Variants in SCARF2 observed in about 807,000 individuals in gnomAD.
The protein encoded by SCARF2 is scavenger receptor class F member 2, also known as scavenger receptor expressed by endothelial cells 2 protein.
In SCARF2, 39 loss-of-function variants were observed where a neutral mutation model predicts 73.4. The ratio of observed to expected loss-of-function variants is 0.53; its 90% confidence interval spans 0.41 to 0.69. The LOEUF (loss-of-function observed/expected upper bound fraction) is 0.69, where lower values mean the gene tolerates loss of function less well. SCARF2 is among the 30% of genes least tolerant of loss of function. The pLI is 0.00. For synonymous variants in SCARF2, 605 were observed against 590.0 expected (o/e 1.03, Z -0.37); for missense variants, 1,148 against 1,303.5 (o/e 0.88, Z 1.84).
chr22:20,427,528 G>A lies in SCARF2; in HGVS notation c.1563C>T (p.Asn521=), dbSNP rs768570979. The stretch of plus-strand genomic sequence containing the variant: ...GCTCCAGGAAGCTGCAGTTGAGTGT[G>A]TTATCCAGGTCGTGGTGGGCCACTG... ...KVVVAHHDLD[N]TLNCSFLEPP... is the part of the protein sequence containing the mutation. The change falls in exon 10 of 11, where the codon AAC becomes AAT. Residue 521 remains asparagine (N), a synonymous_variant. Coordinates refer to ENST00000622235, the MANE Select transcript of SCARF2 (RefSeq NM_182895.5). 17 of 1,613,538 alleles carry A rather than the reference G, an allele frequency of 1.1e-5. No individual in the cohort carries two copies. Among genetic ancestry groups the A allele is most frequent in the Admixed American group, 6.7e-5 (4 of 60,012 alleles).
Position 20,430,744 on chromosome 22 carries a change from C to G in SCARF2, c.1019G>C (p.Cys340Ser). ...RCPPCRDGHA[C>S]NHVTGKCTRC... ...CGTACACTTGCCGGTGACATGGTTA[C>G]AGGCATGCCCGTCGCGGCATGGCGG... Residue 340 changes from cysteine to serine, a missense_variant, in exon 5 of 11, where the codon TGT (cysteine) becomes TCT (serine). By Grantham distance (112) the Cys-to-Ser change is moderately radical. Transcript: ENST00000622235. The G allele has an allele frequency of 6.2e-7, 1 of 1,607,832 alleles. No individual in the cohort carries two copies. Among genetic ancestry groups the G allele is most frequent in the Non-Finnish European group, 8.5e-7 (1 of 1,177,742 alleles).
At chr22:20,430,385 G>A (rs1441384570) in intron 6 of SCARF2, 44 bp downstream of exon 6, 4 of 1,562,032 alleles carry the variant, frequency 2.6e-6, no homozygotes, top group Non-Finnish European at 3.5e-6. Context: ...CCCCTCTGTG[G>A]CAGGTACAAG....
chr22:20,425,994 G>C lies in SCARF2; in HGVS notation c.1982C>G (p.Thr661Ser). The C allele has an allele frequency of 1.3e-6, 2 of 1,586,436 alleles. No individual in the cohort carries two copies. The change falls in exon 11 of 11, where the codon ACC becomes AGC. Residue 661 changes from threonine to serine, a missense_variant. Thr to Ser is a moderately conservative substitution (Grantham distance 58). Around this residue, in one of 5 missense-constraint regions of SCARF2, gnomAD observed 437 missense variants for 433.6 expected, o/e 1.01. Transcript: ENST00000622235. This position sits in a 1 kb window ranked among gnomAD's most constrained non-coding sequence, Gnocchi z 4.6. ...GTGGATCCAGGACACCTTAGGCTTG[G>C]TGGCGGGGTCAGGTGGCGGCGGTTT... ...RRKPPPPDPA[T>S]KPKVSWIHGK...
rs752523166 is a variant in SCARF2, at chr22:20,426,006, G to C, written c.1970C>G (p.Pro657Arg). 47 of 1,583,066 alleles carry C rather than the reference G, an allele frequency of 3.0e-5. No homozygotes were observed. In the South Asian group the frequency reaches 5.0e-4, roughly 17 times the overall value. ...PSPERRKPPP[P>R]DPATKPKVSW... ...CACCTTAGGCTTGGTGGCGGGGTCA[G>C]GTGGCGGCGGTTTCCTGCGCTCGGG... The change falls in exon 11 of 11, where the codon CCT (proline) becomes CGT (arginine). Residue 657 changes from proline to arginine, a missense_variant. Transcript: ENST00000622235.
intron 9 of SCARF2, among the ~76,000 whole-genome samples, chr22:20,428,867 G>A (rs2052609590): frequency 6.6e-6 from 1 of 152,088 alleles, no homozygotes; most frequent in South Asian, 2.1e-4. Flanking sequence ...CACTCCCGTG[G>A]CCACGCATTC....
Position 20,425,329 on chromosome 22 carries a change from G to T in SCARF2, c.*46C>A. The T allele has an allele frequency of 7.6e-7, 1 of 1,323,894 alleles. No individual in the cohort carries two copies. The highest frequency in any genetic ancestry group is 9.7e-7 in the Non-Finnish European group (1 of 1,029,308). 82.0% of individuals were successfully genotyped at this position (1,323,894 alleles called of 1,614,324 possible). A position where few individuals can be genotyped will look rare whatever the true frequency, so the allele number is the denominator to read the frequency against. On this transcript the variant is annotated 3_prime_UTR_variant, in exon 11 of 11. Transcript: ENST00000622235. This position sits in a 1 kb window ranked among gnomAD's most constrained non-coding sequence, Gnocchi z 4.6. ...GCGTGGGAGGTGTGGGGTGGCGGGC[G>T]GCGCTGCGAAGCTGAGGGAGCTGCG...
At position 20,425,498 on chromosome 22, in the gene SCARF2, C is replaced by T. The variant is rs2052562424; in HGVS notation, c.2478G>A (p.Lys826=). 3 of 1,362,046 alleles carry T rather than the reference C, an allele frequency of 2.2e-6. No individual in the cohort carries two copies. The highest frequency in any genetic ancestry group is 2.8e-6 in the Non-Finnish European group (3 of 1,058,002). 84.4% of individuals were successfully genotyped at this position (1,362,046 alleles called of 1,614,324 possible). A position where few individuals can be genotyped will look rare whatever the true frequency, so the allele number is the denominator to read the frequency against. ...PPATETPGPE[K]AATDLPAPET... is the part of the protein sequence containing the mutation. ...CAGGCGCGGGCAAGTCGGTCGCCGC[C>T]TTCTCAGGCCCCGGGGTTTCGGTCG... is the stretch of plus-strand genomic sequence containing the variant. Residue 826 remains lysine (K), a synonymous_variant, in exon 11 of 11, where the codon AAG becomes AAA. Coordinates refer to ENST00000622235, the MANE Select transcript of SCARF2 (RefSeq NM_182895.5). This position sits in a 1 kb window ranked among gnomAD's most constrained non-coding sequence, Gnocchi z 4.6.
chr22:20,430,377 C>G, intron 6 of SCARF2, 52 bp downstream of exon 6: 1 of 1,554,982 alleles, frequency 6.4e-7, no homozygotes, highest in Middle Eastern at 2.3e-4. Flanking sequence ...GCTGGACCCC[C>G]CTCTGTGGCA....
chr22:20,425,557 C>G lies in SCARF2; in HGVS notation c.2419G>C (p.Val807Leu), dbSNP rs769419311. ...PAPPQKAKRSVPPASPARAPP... is the reference protein window; with the variant it reads ...PAPPQKAKRSLPPASPARAPP... ...GCGCGGGCGGGCGAGGCTGGCGGCA[C>G]GGAGCGCTTGGCTTTCTGTGGGGGC... Residue 807 changes from valine to leucine, a missense_variant, in exon 11 of 11, where the codon GTG becomes CTG. Coordinates refer to ENST00000622235, the MANE Select transcript of SCARF2 (RefSeq NM_182895.5). This position sits in a 1 kb window ranked among gnomAD's most constrained non-coding sequence, Gnocchi z 4.6. The G allele has an allele frequency of 1.5e-6, 2 of 1,339,434 alleles. No homozygotes were observed. The highest frequency in any genetic ancestry group is 9.5e-7 in the Non-Finnish European group (1 of 1,049,076). 83.0% of individuals were successfully genotyped at this position (1,339,434 alleles called of 1,614,324 possible). A position where few individuals can be genotyped will look rare whatever the true frequency, so the allele number is the denominator to read the frequency against.
At chr22:20,430,583 G>A in intron 5 of SCARF2, 26 bp from the exon 6 acceptor site, 3 of 1,611,960 alleles carry the variant, frequency 1.9e-6, no homozygotes, top group Non-Finnish European at 2.5e-6. Context: ...GGAGGCGTCA[G>A]CAGAAATGGA....
Position 20,425,424 on chromosome 22 carries a change from CTCT to C in SCARF2, c.2549_2551del (p.Lys850del), listed in dbSNP as rs2052560884. 8.4e-6 allele frequency: 12 copies of C among 1,432,654 alleles called. No individual in the cohort carries two copies. The highest frequency in any genetic ancestry group is 1.8e-6 in the Non-Finnish European group (2 of 1,091,224). 88.7% of individuals were successfully genotyped at this position (1,432,654 alleles called of 1,614,324 possible). ...GCCCAGCTCGCCCGCCGCCTCCCGG[CTCT>C]TCTTGCGCGGCGGCTTCTGGATGGG... On this transcript the variant is annotated inframe_deletion, in exon 11 of 11. Transcript: ENST00000622235. The surrounding 1 kb of genome is among the most constrained non-coding windows in gnomAD (Gnocchi z 4.6).
At chr22:20,435,270 C>G (rs771723515) in intron 1 of SCARF2, among the ~76,000 whole-genome samples, 10 of 152,190 alleles carry the variant, frequency 6.6e-5, no homozygotes, top group Non-Finnish European at 1.3e-4. Context: ...AGACGCTGAG[C>G]TCTAGCTTCT....
intron 2 of SCARF2, 31 bp from the exon 3 acceptor site, chr22:20,431,877 C>T (rs1447854397): frequency 5.6e-6 from 9 of 1,596,292 alleles, no homozygotes; most frequent in Middle Eastern, 1.7e-4. Flanking sequence ...AGCTGCTGCG[C>T]GTCCTAGCCC....
chr22:20,436,307 C>T (rs1233629520), intron 1 of SCARF2, among the ~76,000 whole-genome samples: 1 of 152,198 alleles, frequency 6.6e-6, no homozygotes, highest in African/African-American at 2.4e-5. Context: ...TTCCTGGTCC[C>T]GGGCCTGTCT....
At chr22:20,434,349 A>G (rs761496811) in intron 1 of SCARF2, among the ~76,000 whole-genome samples, 2 of 152,144 alleles carry the variant, frequency 1.3e-5, no homozygotes, top group South Asian at 2.1e-4. Flanking sequence ...GACAGAGAGA[A>G]AGAGAGCGCG....
intron 1 of SCARF2, among the ~76,000 whole-genome samples, chr22:20,436,735 T>A (rs1442730120): frequency 6.6e-6 from 1 of 152,060 alleles, no homozygotes; most frequent in East Asian, 1.9e-4. Flanking sequence ...TCCTCACCCC[T>A]GCGTGGAGAT....
At chr22:20,428,623 G>A (rs1349838720) in intron 9 of SCARF2, among the ~76,000 whole-genome samples, 4 of 152,142 alleles carry the variant, frequency 2.6e-5, no homozygotes, top group Non-Finnish European at 5.9e-5. Context: ...GGTTTTCTCA[G>A]CTGTTTCCTT....
intron 1 of SCARF2, among the ~76,000 whole-genome samples, chr22:20,432,865 G>A (rs906330719): frequency 1.3e-5 from 2 of 152,172 alleles, no homozygotes; most frequent in African/African-American, 4.8e-5. Context: ...TTACAGGCAC[G>A]TGCCACCACA....
At chr22:20,434,980 G>T (rs904560735) in intron 1 of SCARF2, among the ~76,000 whole-genome samples, 11 of 152,138 alleles carry the variant, frequency 7.2e-5, no homozygotes, top group Middle Eastern at 3.4e-3. Context: ...TAGCTCCCTC[G>T]GGAAGCTCAC....
Sources: gnomAD v4.1 joint callset for allele counts (sites outside exome capture counted in the v4.1 genomes callset) on GRCh38, gnomAD v4.1.1 for gene constraint, gnomAD v4.1.1 regional missense constraint, Gnocchi (gnomAD v3.1) non-coding constraint, MANE v1.5 for transcripts, NCBI Gene and HGNC (gene_info 2026-07-23, HGNC 2026-07-21) for gene names.